Variants in RANBP2 observed in about 807,000 individuals in gnomAD.
RANBP2 encodes the protein E3 SUMO-protein ligase RanBP2.
Under a neutral mutation model 303.6 loss-of-function variants are expected in RANBP2, and 57 were observed. That is an observed-to-expected ratio of 0.19 (90% CI 0.15 to 0.23). The LOEUF (loss-of-function observed/expected upper bound fraction) is 0.23, where lower values mean the gene tolerates loss of function less well. Among genes scored for constraint, RANBP2 ranks in the 10% least tolerant of loss-of-function variants. The probability of loss-of-function intolerance (pLI) is 1.00; values close to 1 mark genes in which losing one functional copy is unlikely to be tolerated. For synonymous variants in RANBP2, 1,167 were observed against 1,301.5 expected (o/e 0.90, Z 2.23); for missense variants, 3,138 against 3,780.8 (o/e 0.83, Z 4.46).
chr2:108,909,548 C>T, the RANBP2 span, among the ~76,000 whole-genome samples: 3 of 152,154 alleles, frequency 2.0e-5, no homozygotes, highest in Non-Finnish European at 2.9e-5. Flanking sequence ...CCCCATCTGC[C>T]AAGGGAGGCA....
the RANBP2 span, among the ~76,000 whole-genome samples, chr2:109,357,337 A>G: frequency 6.6e-6 from 1 of 152,002 alleles, no homozygotes; most frequent in Non-Finnish European, 1.5e-5. Context: ...ACCCACCACC[A>G]TGCCCGGATA....
chr2:109,059,162 G>A, the RANBP2 span, among the ~76,000 whole-genome samples: 3 of 152,168 alleles, frequency 2.0e-5, no homozygotes, highest in African/African-American at 7.2e-5. Flanking sequence ...GGTCCAGTCA[G>A]GGTGTAGTTC....
the RANBP2 span, among the ~76,000 whole-genome samples, chr2:109,339,001 ATTG>A: frequency 1.3e-5 from 2 of 152,200 alleles, no homozygotes; most frequent in Non-Finnish European, 1.5e-5. Flanking sequence ...GAGAAAAGAA[ATTG>A]TTATTTAAAA....
chr2:109,665,379 G>C, the RANBP2 span: 1 of 141,268 alleles, frequency 7.1e-6, no homozygotes, highest in Non-Finnish European at 1.5e-5. Flanking sequence ...TTTCGCTCTC[G>C]TTGCCCAGGC....
At chr2:108,862,634 C>T in the RANBP2 span, among the ~76,000 whole-genome samples, 48 of 152,232 alleles carry the variant, frequency 3.2e-4, no homozygotes, top group African/African-American at 1.2e-3. Context: ...TGTTTACATA[C>T]TACATGATAT....
At chr2:109,580,504 C>T in the RANBP2 span, among the ~76,000 whole-genome samples, 1,078 of 152,100 alleles carry the variant, frequency 7.1e-3, 12 homozygotes, top group African/African-American at 0.024. Flanking sequence ...AAGCATGGTA[C>T]ATGGTAAAAA....
the RANBP2 span, among the ~76,000 whole-genome samples, chr2:109,127,079 G>A: frequency 2.0e-5 from 3 of 152,228 alleles, no homozygotes; most frequent in Non-Finnish European, 4.4e-5. Context: ...AGGCAGCTCT[G>A]GGATGCTTTC....
the RANBP2 span, among the ~76,000 whole-genome samples, chr2:109,102,980 G>A: frequency 2.6e-5 from 4 of 152,166 alleles, no homozygotes; most frequent in Non-Finnish European, 5.9e-5. Context: ...CACTCAGGTC[G>A]CTTTAGTAAA....
the RANBP2 span, among the ~76,000 whole-genome samples, chr2:109,334,097 G>A: frequency 4.8e-3 from 726 of 152,270 alleles, 4 homozygotes; most frequent in Non-Finnish European, 7.3e-3. Flanking sequence ...AGAGGCTCAC[G>A]CCTATAATCC....
the RANBP2 span, among the ~76,000 whole-genome samples, chr2:109,425,937 G>T: frequency 6.6e-6 from 1 of 151,654 alleles, no homozygotes; most frequent in Non-Finnish European, 1.5e-5. Context: ...TCACTCTGTC[G>T]TCCAGGCTGG....
the RANBP2 span, among the ~76,000 whole-genome samples, chr2:109,264,272 G>A: frequency 6.2e-3 from 905 of 145,266 alleles, 8 homozygotes; most frequent in South Asian, 0.018. Context: ...CCTCGAGTCT[G>A]TGGGTGCCCC....
chr2:108,810,195 G>A, the RANBP2 span, among the ~76,000 whole-genome samples: 1,932 of 152,288 alleles, frequency 0.013, 51 homozygotes, highest in African/African-American at 0.045. Flanking sequence ...CAAGAGTGGT[G>A]AGAATGAGCA....
chr2:109,318,880 T>G, the RANBP2 span, among the ~76,000 whole-genome samples: 1 of 152,280 alleles, frequency 6.6e-6, no homozygotes, highest in Non-Finnish European at 1.5e-5. Flanking sequence ...CAAAGCCAGC[T>G]GGAATTCCTT....
chr2:108,789,024 A>G (rs1208440685), downstream of RANBP2: 3 of 1,576,664 alleles, frequency 1.9e-6, no homozygotes, highest in African/African-American at 1.4e-5. Flanking sequence ...AAAACTGAGA[A>G]AGAGAAAAGG....
the RANBP2 span, among the ~76,000 whole-genome samples, chr2:109,199,133 G>T: frequency 1.3e-5 from 2 of 152,034 alleles, no homozygotes; most frequent in East Asian, 3.9e-4. Context: ...GCTGAGGCGG[G>T]TGGATCACAA....
At chr2:109,717,305 G>T in the RANBP2 span, among the ~76,000 whole-genome samples, 2 of 150,832 alleles carry the variant, frequency 1.3e-5, no homozygotes, top group Admixed American at 1.3e-4. Flanking sequence ...AGTTCCACGG[G>T]GTGCGGTGGC....
the RANBP2 span, among the ~76,000 whole-genome samples, chr2:108,970,866 A>T: frequency 6.6e-6 from 1 of 152,224 alleles, no homozygotes; most frequent in Non-Finnish European, 1.5e-5. Flanking sequence ...CCTGGGGAAT[A>T]GTCTACAGGA....
the RANBP2 span, among the ~76,000 whole-genome samples, chr2:109,351,221 C>T: frequency 1.3e-5 from 2 of 152,226 alleles, no homozygotes; most frequent in Non-Finnish European, 2.9e-5. Context: ...GGAGCCTCCA[C>T]ACGTGCTGGG....
the RANBP2 span, among the ~76,000 whole-genome samples, chr2:109,484,471 C>T: frequency 3.3e-5 from 5 of 152,256 alleles, no homozygotes; most frequent in African/African-American, 9.6e-5. Context: ...CACCTCTGAC[C>T]ACTCCCTTGG....
Sources: gnomAD v4.1 joint callset for allele counts (sites outside exome capture counted in the v4.1 genomes callset) on GRCh38, gnomAD v4.1.1 for gene constraint, MANE v1.5 for transcripts, NCBI Gene and HGNC (gene_info 2026-07-23, HGNC 2026-07-21) for gene names.